Variants in KIAA1671 observed in about 807,000 individuals in gnomAD.
The protein encoded by KIAA1671 is KIAA1671.
Under a neutral mutation model 131.2 loss-of-function variants are expected in KIAA1671, and 52 were observed. The ratio of observed to expected loss-of-function variants is 0.40; its 90% confidence interval spans 0.32 to 0.50. The LOEUF (loss-of-function observed/expected upper bound fraction) is 0.50. Ranked by LOEUF, KIAA1671 falls within the 20% of genes least tolerant of loss-of-function variation. The pLI is 0.73. For missense variants in KIAA1671, 2,360 were observed against 2,364.2 expected (o/e 1.00, Z 0.04); for synonymous variants, 1,003 against 961.6 (o/e 1.04, Z -0.80).
At chr22:25,124,722 C>T (rs1256834403) in intron 6 of KIAA1671, among the ~76,000 whole-genome samples, 1 of 152,204 alleles carries the variant, frequency 6.6e-6, no homozygotes, top group African/African-American at 2.4e-5. Flanking sequence ...TGCTATGCTG[C>T]AGTAACAAAC....
chr22:25,060,757 GCA>G (rs2145834946), intron 6 of KIAA1671: 1 of 152,320 alleles, frequency 6.6e-6, no homozygotes, highest in South Asian at 2.1e-4. Context: ...GTGAAACAAG[GCA>G]CTGGTTTTCT....
At chr22:25,090,129 G>C (rs552867363) in intron 6 of KIAA1671, among the ~76,000 whole-genome samples, 76 of 152,314 alleles carry the variant, frequency 5.0e-4, no homozygotes, top group Non-Finnish European at 8.5e-4. Context: ...AGTGCGGGCA[G>C]CTCCTTAGAA....
chr22:25,136,382 G>T (rs1174155604), intron 6 of KIAA1671, among the ~76,000 whole-genome samples: 1 of 152,178 alleles, frequency 6.6e-6, no homozygotes, highest in Non-Finnish European at 1.5e-5. Context: ...TTGAACCCAG[G>T]TGTGGCTGAT....
intron 6 of KIAA1671, among the ~76,000 whole-genome samples, chr22:25,154,794 A>T (rs548883266): frequency 6.6e-6 from 1 of 152,306 alleles, no homozygotes; most frequent in African/African-American, 2.4e-5. Context: ...GACTCCATTC[A>T]TGCTGAGCTT....
chr22:25,181,895 C>T (rs117517166), intron 10 of KIAA1671, 72 bp downstream of exon 10: 34,722 of 1,500,410 alleles, frequency 0.023, 499 homozygotes, highest in Non-Finnish European at 0.028. Flanking sequence ...GAATAGATTC[C>T]GGCTGGGTGC....
chr22:25,018,224 C>A (rs950741659), intron 1 of KIAA1671, among the ~76,000 whole-genome samples: 5 of 152,088 alleles, frequency 3.3e-5, no homozygotes, highest in Admixed American at 2.6e-4. Flanking sequence ...TGATTAGGAA[C>A]GTTCCCACCG....
chr22:25,069,736 G>GTAAAC (rs1928706081), intron 6 of KIAA1671, among the ~76,000 whole-genome samples: 1 of 152,196 alleles, frequency 6.6e-6, no homozygotes, highest in East Asian at 1.9e-4. Flanking sequence ...AAGGAGCCCG[G>GTAAAC]TAAACCAATG....
chr22:25,110,209 T>C (rs1172442703), intron 6 of KIAA1671: 1 of 152,220 alleles, frequency 6.6e-6, no homozygotes, highest in Non-Finnish European at 1.5e-5. Flanking sequence ...AAGAGATCTG[T>C]TGGCCATATT....
At chr22:25,080,838 A>G (rs1601292703) in intron 6 of KIAA1671, among the ~76,000 whole-genome samples, 1 of 152,032 alleles carries the variant, frequency 6.6e-6, no homozygotes, top group African/African-American at 2.4e-5. Context: ...AAAGAGAGCC[A>G]TGTGGTAACA....
At chr22:25,189,126 C>CT (rs200226589) in intron 11 of KIAA1671, among the ~76,000 whole-genome samples, 11,996 of 114,990 alleles carry the variant, frequency 0.1, 743 homozygotes, top group African/African-American at 0.24. Flanking sequence ...CAGTCTTTTT[C>CT]TTTTTTTTTT....
chr22:25,190,612 A>G lies in KIAA1671; in HGVS notation c.5343-90A>G, dbSNP rs1934641441. ...GCTTGCCCCAACCCCGCCTGGGCCC[A>G]GGGATAGACAGTCGGATACCACTCA... On this transcript the variant is annotated intron_variant, in intron 11 of 12. Coordinates refer to ENST00000358431, the MANE Select transcript of KIAA1671 (RefSeq NM_001145206.2). 3.5e-5 allele frequency: 38 copies of G among 1,097,486 alleles called. No homozygotes were observed. In the South Asian group the frequency reaches 4.6e-4, roughly 13 times the overall value. 68.0% of individuals were successfully genotyped at this position (1,097,486 alleles called of 1,614,324 possible). A position where few individuals can be genotyped will look rare whatever the true frequency, so the allele number is the denominator to read the frequency against.
At chr22:25,048,190 C>T (rs1159932598) in intron 5 of KIAA1671, among the ~76,000 whole-genome samples, 6 of 152,224 alleles carry the variant, frequency 3.9e-5, no homozygotes, top group Non-Finnish European at 7.4e-5. Context: ...GTTTTGAGCA[C>T]GTGGATCTGA....
chr22:25,164,110 G>A (rs1933556803), intron 6 of KIAA1671, among the ~76,000 whole-genome samples: 1 of 152,174 alleles, frequency 6.6e-6, no homozygotes, highest in Admixed American at 6.5e-5. Context: ...AGCCAGTCCA[G>A]GCAAGTGGTT....
At chr22:25,085,374 C>T (rs1220110034) in intron 6 of KIAA1671, among the ~76,000 whole-genome samples, 2 of 152,174 alleles carry the variant, frequency 1.3e-5, no homozygotes, top group Non-Finnish European at 2.9e-5. Flanking sequence ...TTCTCTTCCT[C>T]CTCTGAACTT....
intron 6 of KIAA1671, among the ~76,000 whole-genome samples, chr22:25,078,293 A>C (rs1352486430): frequency 3.3e-5 from 5 of 152,176 alleles, no homozygotes; most frequent in Admixed American, 3.3e-4. Context: ...GTGAGATCAA[A>C]GCGGGAGGAT....
chr22:25,145,708 GC>G (rs1244481214), intron 6 of KIAA1671, among the ~76,000 whole-genome samples: 4 of 152,200 alleles, frequency 2.6e-5, no homozygotes, highest in African/African-American at 9.7e-5. Context: ...GGAAGCCGAG[GC>G]GGGTGGATCA....
At chr22:25,080,276 C>T (rs2145863053) in intron 6 of KIAA1671, among the ~76,000 whole-genome samples, 1 of 152,250 alleles carries the variant, frequency 6.6e-6, no homozygotes, top group South Asian at 2.1e-4. Context: ...TCTTTCATGC[C>T]CTGCCCATGC....
intron 12 of KIAA1671, 36 bp downstream of exon 12, chr22:25,190,820 C>G (rs886901596): frequency 7.0e-7 from 1 of 1,429,830 alleles, no homozygotes; most frequent in African/African-American, 1.4e-5. Context: ...CTGGGAAGAG[C>G]CCTGCAGTCA....
chr22:24,953,336 G>A (rs1171172482), intron 1 of KIAA1671, among the ~76,000 whole-genome samples: 1 of 152,116 alleles, frequency 6.6e-6, no homozygotes, highest in Non-Finnish European at 1.5e-5. Flanking sequence ...TGGAGGCCCC[G>A]GAGGTGGAAG....
Sources: allele counts gnomAD v4.1 joint callset (sites outside exome capture counted in the v4.1 genomes callset), GRCh38; gene constraint gnomAD v4.1.1; transcripts MANE v1.5; gene names NCBI Gene and HGNC (gene_info 2026-07-23, HGNC 2026-07-21).